BAG4: variants seen among roughly 807,000 people sequenced by gnomAD.
BAG4 encodes the protein BAG family molecular chaperone regulator 4.
Under a neutral mutation model 52.1 loss-of-function variants are expected in BAG4, and 28 were observed. The observed-to-expected ratio is 0.54, with a 90% CI of 0.40 to 0.74. BAG4 has a LOEUF of 0.74. Among genes scored for constraint, BAG4 ranks in the 30% least tolerant of loss-of-function variants. BAG4 has a pLI of 0.00. For missense variants in BAG4, 525 were observed against 572.0 expected, an observed-to-expected ratio of 0.92 and a Z score of 0.84; for synonymous variants, 208 against 217.0, an observed-to-expected ratio of 0.96 and a Z score of 0.37.
Position 38,207,677 on chromosome 8 carries a change from CCA to C in BAG4, c.545_546del (p.Pro182ArgfsTer14). 6.2e-7 allele frequency: 1 copy of C among 1,614,092 alleles called. No homozygotes were observed. Among genetic ancestry groups the C allele is most frequent in the South Asian group, 1.1e-5 (1 of 91,074 alleles). On this transcript the variant is annotated frameshift_variant, in exon 3 of 5. Coordinates refer to ENST00000287322, the MANE Select transcript of BAG4 (RefSeq NM_004874.4). LOFTEE classifies it high-confidence loss of function. Reference sequence around the variant, plus strand: ...CCGTTCATCTGGCAACAGCCCAACTCCAGTCTCTCGTTGGATCTATCCCCAGC... The same window carrying C: ...CCGTTCATCTGGCAACAGCCCAACTCGTCTCTCGTTGGATCTATCCCCAGC... ...TYRSSGNSPTPVSRWIYPQQD... is the reference protein window; with the variant it reads ...TYRSSGNSPTXVSRWIYPQQD...
rs1341362635 is a variant in BAG4, at chr8:38,209,999, C to T, written c.889-9C>T. 1 of 1,606,332 alleles carries T rather than the reference C, an allele frequency of 6.2e-7. No individual in the cohort carries two copies. The highest frequency in any genetic ancestry group is 8.5e-7 in the Non-Finnish European group (1 of 1,175,692). On this transcript the variant is annotated splice_polypyrimidine_tract_variant and intron_variant, in intron 4 of 4. Coordinates refer to ENST00000287322, the MANE Select transcript of BAG4 (RefSeq NM_004874.4). ...AGCTCTTTTCCTCTTTTTGCTCTCC[C>T]ACTCCAAGGATTCTTCATACCCCTA...
chr8:38,181,949 C>CCT (rs34247914), intron 1 of BAG4, among the ~76,000 whole-genome samples: 34,894 of 135,232 alleles, frequency 0.26, 4,385 homozygotes, highest in East Asian at 0.32. Context: ...AGTTGAGAAA[C>CCT]CTTTTGAGCT....
intron 2 of BAG4, among the ~76,000 whole-genome samples, chr8:38,198,225 A>C (rs1803597699): frequency 6.6e-6 from 1 of 151,072 alleles, no homozygotes; most frequent in Non-Finnish European, 1.5e-5. Flanking sequence ...TCTGCTAAAA[A>C]TACAAAAAAT....
chr8:38,194,636 G>A (rs1250287092), intron 2 of BAG4, among the ~76,000 whole-genome samples: 1 of 149,486 alleles, frequency 6.7e-6, no homozygotes, highest in South Asian at 2.1e-4. Flanking sequence ...GGCTGGTCTC[G>A]AACTCCTGAC....
At chr8:38,188,036 C>CAAAA (rs1157770485) in intron 1 of BAG4, among the ~76,000 whole-genome samples, 10 of 37,072 alleles carry the variant, frequency 2.7e-4, no homozygotes, top group Admixed American at 6.5e-4. Context: ...GACTCCGTCT[C>CAAAA]AAAAAAAAAA....
intron 1 of BAG4, among the ~76,000 whole-genome samples, chr8:38,177,479 C>T (rs1405634663): frequency 6.6e-6 from 1 of 152,214 alleles, no homozygotes; most frequent in Non-Finnish European, 1.5e-5. Context: ...AGCAATTTAT[C>T]CTGCGTGGCT....
At position 38,212,052 on chromosome 8, in the gene BAG4, C is replaced by T. The variant is rs1249483954; in HGVS notation, c.*1559C>T. On this transcript the variant is annotated 3_prime_UTR_variant, in exon 5 of 5. Transcript: ENST00000287322. Reference sequence around the variant, plus strand: ...GAGGAGAGGAAATGTAGTAAAAATACTGGCTGGGTCTTATGATTGGGATGA... The same window carrying T: ...GAGGAGAGGAAATGTAGTAAAAATATTGGCTGGGTCTTATGATTGGGATGA... The T allele has an allele frequency of 2.6e-5, 4 of 152,028 alleles. No homozygotes were observed. Among genetic ancestry groups the T allele is most frequent in the Non-Finnish European group, 5.9e-5 (4 of 67,980 alleles). 9.4% of individuals were successfully genotyped at this position (152,028 alleles called of 1,614,324 possible). A position where few individuals can be genotyped will look rare whatever the true frequency, so the allele number is the denominator to read the frequency against.
chr8:38,203,351 T>C (rs1363222311), intron 2 of BAG4, among the ~76,000 whole-genome samples: 1 of 151,016 alleles, frequency 6.6e-6, no homozygotes, highest in Non-Finnish European at 1.5e-5. Flanking sequence ...GGCACGATCT[T>C]GGCTCACTGC....
rs1730065566 is a variant in BAG4, at chr8:38,212,675, AATG to A, written c.*2183_*2185del. The A allele has an allele frequency of 6.6e-6, 1 of 152,114 alleles. No homozygotes were observed. Among genetic ancestry groups the A allele is most frequent in the South Asian group, 2.1e-4 (1 of 4,816 alleles). The allele number at this position is 152,114 out of a possible 1,614,324, so 9.4% of individuals were successfully genotyped here. A position where few individuals can be genotyped will look rare whatever the true frequency, so the allele number is the denominator to read the frequency against. On this transcript the variant is annotated 3_prime_UTR_variant, in exon 5 of 5. Coordinates refer to ENST00000287322, the MANE Select transcript of BAG4 (RefSeq NM_004874.4). ...CATAACAGGGGATACCTGATGTTGTAATGTATTTCTGGTGTTGTTAACCTTGAT... is the reference window on the plus strand; with the variant it reads ...CATAACAGGGGATACCTGATGTTGTATATTTCTGGTGTTGTTAACCTTGAT...
chr8:38,208,898 C>T, intron 3 of BAG4, 115 bp from the exon 4 acceptor site: 4 of 1,226,582 alleles, frequency 3.3e-6, no homozygotes, highest in East Asian at 2.5e-5. Context: ...AGTCCGGTAG[C>T]AGCTAATGTA....
At chr8:38,182,054 A>G (rs927096569) in intron 1 of BAG4, among the ~76,000 whole-genome samples, 3 of 152,132 alleles carry the variant, frequency 2.0e-5, no homozygotes, top group Non-Finnish European at 4.4e-5. Flanking sequence ...AGGTCATCTT[A>G]CAGTAAGGGA....
chr8:38,208,949 G>A (rs1585668365), intron 3 of BAG4, 64 bp from the exon 4 acceptor site: 2 of 1,535,540 alleles, frequency 1.3e-6, no homozygotes, highest in Admixed American at 1.9e-5. Flanking sequence ...GAATCTGCCT[G>A]TAGCAGAATA....
intron 2 of BAG4, among the ~76,000 whole-genome samples, chr8:38,198,903 G>T (rs1004556247): frequency 6.6e-6 from 1 of 152,114 alleles, no homozygotes; most frequent in African/African-American, 2.4e-5. Context: ...TCATCTTGGG[G>T]CAATAAGACA....
chr8:38,177,451 A>T (rs1803182765), intron 1 of BAG4, among the ~76,000 whole-genome samples: 1 of 152,196 alleles, frequency 6.6e-6, no homozygotes, highest in Admixed American at 6.5e-5. Flanking sequence ...GGTGGCACGG[A>T]TCTACTGCTC....
At chr8:38,205,129 C>A (rs937905820) in intron 2 of BAG4, among the ~76,000 whole-genome samples, 6 of 150,552 alleles carry the variant, frequency 4.0e-5, no homozygotes, top group African/African-American at 1.5e-4. Flanking sequence ...CTCCTAGGCT[C>A]AAACGATCCT....
intron 2 of BAG4, among the ~76,000 whole-genome samples, chr8:38,199,193 A>G (rs1383150080): frequency 6.6e-6 from 1 of 152,218 alleles, no homozygotes; most frequent in Non-Finnish European, 1.5e-5. Flanking sequence ...CAGGTGAGTA[A>G]TGCATTGTGC....
intron 1 of BAG4, among the ~76,000 whole-genome samples, chr8:38,180,462 G>T (rs1167894498): frequency 7.1e-6 from 1 of 140,992 alleles, no homozygotes; most frequent in South Asian, 2.2e-4. Flanking sequence ...GGCAGAAGTT[G>T]CAGTGAGCCG....
intron 2 of BAG4, among the ~76,000 whole-genome samples, chr8:38,203,591 T>C (rs142500820): frequency 2.2e-4 from 34 of 152,144 alleles, no homozygotes; most frequent in Non-Finnish European, 1.2e-4. Context: ...TTGAGGAATT[T>C]TTTGTGATAA....
intron 1 of BAG4, among the ~76,000 whole-genome samples, chr8:38,187,407 A>G (rs1190149527): frequency 6.6e-6 from 1 of 152,234 alleles, no homozygotes; most frequent in African/African-American, 2.4e-5. Flanking sequence ...ATTATGCAAT[A>G]TGAAGGAGAG....
Sources: gnomAD v4.1 joint callset for allele counts (sites outside exome capture counted in the v4.1 genomes callset) on GRCh38, gnomAD v4.1.1 for gene constraint, MANE v1.5 for transcripts, NCBI Gene and HGNC (gene_info 2026-07-23, HGNC 2026-07-21) for gene names.